Variants in MAD1L1 observed in about 807,000 individuals in gnomAD.
The protein encoded by MAD1L1 is mitotic spindle assembly checkpoint protein MAD1.
Under a neutral mutation model 96.9 loss-of-function variants are expected in MAD1L1, and 95 were observed. The observed-to-expected ratio is 0.98, with a 90% CI of 0.83 to 1.16. The LOEUF is 1.16. Among genes scored for constraint, MAD1L1 ranks in the 50% most tolerant of loss-of-function variants. MAD1L1 has a pLI of 0.00. For synonymous variants in MAD1L1, 473 were observed against 396.6 expected (o/e 1.19, Z -2.29); for missense variants, 1,007 against 954.4 (o/e 1.06, Z -0.73).
intron 12 of MAD1L1, among the ~76,000 whole-genome samples, chr7:2,051,441 A>G (rs1584193131): frequency 6.6e-6 from 1 of 152,150 alleles, no homozygotes; most frequent in East Asian, 1.9e-4. Context: ...ATCTGGATGA[A>G]GTGGTGGCGA....
At chr7:1,952,299 G>A (rs1466936509) in intron 16 of MAD1L1, among the ~76,000 whole-genome samples, 1 of 152,252 alleles carries the variant, frequency 6.6e-6, no homozygotes, top group Non-Finnish European at 1.5e-5. Context: ...TCCGAGGACT[G>A]CGGCCGACTC....
At chr7:2,149,130 C>A (rs748682926) in intron 11 of MAD1L1, 22 bp downstream of exon 11, 1 of 1,612,480 alleles carries the variant, frequency 6.2e-7, no homozygotes, top group African/African-American at 1.3e-5. Context: ...TCCCCACAAG[C>A]ACCCTGGGCG....
chr7:2,163,243 C>T (rs965500982), intron 10 of MAD1L1, among the ~76,000 whole-genome samples: 2 of 152,192 alleles, frequency 1.3e-5, no homozygotes, highest in African/African-American at 4.8e-5. Context: ...CAGGAGTGAT[C>T]ACAGAGCCCA....
chr7:1,877,600 G>A (rs1490425523), intron 18 of MAD1L1, among the ~76,000 whole-genome samples: 2 of 151,862 alleles, frequency 1.3e-5, no homozygotes, highest in African/African-American at 4.8e-5. Context: ...TTATCAGTCT[G>A]AATAAAAAAA....
intron 12 of MAD1L1, 80 bp downstream of exon 12, chr7:2,069,114 A>G: frequency 6.9e-7 from 1 of 1,447,954 alleles, no homozygotes; most frequent in Non-Finnish European, 9.1e-7. Flanking sequence ...TCCTGCCTCC[A>G]CAGTGAGATC....
chr7:2,001,383 G>A (rs751324388), intron 14 of MAD1L1, among the ~76,000 whole-genome samples: 3 of 152,210 alleles, frequency 2.0e-5, no homozygotes, highest in Admixed American at 6.5e-5. Flanking sequence ...AGGCCAAAAC[G>A]CTTCAAAAGC....
At chr7:2,023,348 C>T (rs993422377) in intron 12 of MAD1L1, among the ~76,000 whole-genome samples, 4 of 152,146 alleles carry the variant, frequency 2.6e-5, no homozygotes, top group South Asian at 2.1e-4. Flanking sequence ...TCAGACCACA[C>T]TAAAATTAAA....
chr7:2,019,194 G>A (rs982070236), intron 12 of MAD1L1, among the ~76,000 whole-genome samples: 1 of 152,074 alleles, frequency 6.6e-6, no homozygotes, highest in Non-Finnish European at 1.5e-5. Flanking sequence ...CCAGTCACCA[G>A]CCTGGACAGG....
intron 18 of MAD1L1, among the ~76,000 whole-genome samples, chr7:1,891,074 G>C (rs964135353): frequency 6.6e-6 from 1 of 152,178 alleles, no homozygotes. Flanking sequence ...AGCAAGGATG[G>C]GCAGAGGGGA....
chr7:1,869,095 G>T (rs144207349), intron 18 of MAD1L1, among the ~76,000 whole-genome samples: 1 of 152,132 alleles, frequency 6.6e-6, no homozygotes, highest in African/African-American at 2.4e-5. Context: ...GGTGAGGCCC[G>T]GGACGGGAAC....
intron 18 of MAD1L1, among the ~76,000 whole-genome samples, chr7:1,830,576 G>A (rs1782654182): frequency 6.6e-6 from 1 of 152,196 alleles, no homozygotes; most frequent in Non-Finnish European, 1.5e-5. Flanking sequence ...ACAAAGTATT[G>A]TGGGGTTTAT....
intron 10 of MAD1L1, among the ~76,000 whole-genome samples, chr7:2,193,829 T>C (rs1791846821): frequency 6.6e-6 from 1 of 151,566 alleles, no homozygotes; most frequent in African/African-American, 2.4e-5. Flanking sequence ...GTCGCCCAAC[T>C]GTCCCAAATC....
chr7:1,846,978 T>G (rs1277670131), intron 18 of MAD1L1: 1 of 327,286 alleles, frequency 3.1e-6, no homozygotes, highest in African/African-American at 2.2e-5. Context: ...CTCCTGCTGA[T>G]GGCTCCGCGT....
intron 16 of MAD1L1, among the ~76,000 whole-genome samples, chr7:1,946,327 G>C (rs1779227579): frequency 6.6e-6 from 1 of 152,202 alleles, no homozygotes; most frequent in Non-Finnish European, 1.5e-5. Context: ...AGCACTGTGT[G>C]TGCCAGCAAG....
chr7:2,144,005 G>C (rs967631225), intron 11 of MAD1L1, among the ~76,000 whole-genome samples: 15 of 152,232 alleles, frequency 9.9e-5, no homozygotes, highest in Admixed American at 2.0e-4. Flanking sequence ...CCATGACCCA[G>C]GGTCTCTGCT....
intron 12 of MAD1L1, among the ~76,000 whole-genome samples, chr7:2,059,908 A>G (rs1402350118): frequency 6.6e-6 from 1 of 152,190 alleles, no homozygotes; most frequent in Non-Finnish European, 1.5e-5. Flanking sequence ...CGAATGTTCA[A>G]ATACGCAGGG....
chr7:2,220,784 G>A (rs1393172378), intron 5 of MAD1L1: 1 of 1,223,694 alleles, frequency 8.2e-7, no homozygotes, highest in East Asian at 2.6e-5. Context: ...CCACAACAGT[G>A]AAGCATCAAC....
At chr7:2,054,097 C>T (rs1016241050) in intron 12 of MAD1L1, among the ~76,000 whole-genome samples, 1 of 152,206 alleles carries the variant, frequency 6.6e-6, no homozygotes, top group East Asian at 1.9e-4. Context: ...CAGCCCACCT[C>T]CCCCAACACA....
intron 17 of MAD1L1, among the ~76,000 whole-genome samples, chr7:1,927,137 A>C (rs1395388268): frequency 6.6e-6 from 1 of 152,160 alleles, no homozygotes; most frequent in Non-Finnish European, 1.5e-5. Flanking sequence ...TAGCTCCAAC[A>C]CTAACAATAA....
Sources: gnomAD v4.1 joint callset for allele counts (sites outside exome capture counted in the v4.1 genomes callset) on GRCh38, gnomAD v4.1.1 for gene constraint, MANE v1.5 for transcripts, NCBI Gene and HGNC (gene_info 2026-07-23, HGNC 2026-07-21) for gene names.